The following AGBL4 variants were observed in gnomAD, a reference collection of about 807,000 sequenced individuals.
AGBL4 encodes cytosolic carboxypeptidase 6.
Under a neutral mutation model 66.4 loss-of-function variants are expected in AGBL4, and 58 were observed. That is an observed-to-expected ratio of 0.87 (90% CI 0.71 to 1.09). The LOEUF (loss-of-function observed/expected upper bound fraction) is 1.09, where lower values mean the gene tolerates loss of function less well. Ranked by LOEUF, AGBL4 falls within the 50% of genes least tolerant of loss-of-function variation. The pLI is 0.00. For synonymous variants in AGBL4, 234 were observed against 222.9 expected, an observed-to-expected ratio of 1.05 and a Z score of -0.44; for missense variants, 579 against 631.0, an observed-to-expected ratio of 0.92 and a Z score of 0.88.
intron 1 of AGBL4, among the ~76,000 whole-genome samples, chr1:49,854,686 T>C (rs1274288461): frequency 6.6e-6 from 1 of 152,084 alleles, no homozygotes; most frequent in Non-Finnish European, 1.5e-5. Context: ...GCTGCAGCAT[T>C]ATGATGCCTG....
chr1:48,873,141 A>C (rs1648858444), intron 5 of AGBL4, among the ~76,000 whole-genome samples: 1 of 152,174 alleles, frequency 6.6e-6, no homozygotes, highest in Non-Finnish European at 1.5e-5. Context: ...GATTCCTATA[A>C]GACAAAATCT....
chr1:49,946,650 G>A (rs1321505839), intron 1 of AGBL4, among the ~76,000 whole-genome samples: 1 of 150,742 alleles, frequency 6.6e-6, no homozygotes, highest in Non-Finnish European at 1.5e-5. Context: ...AAGGAACTAG[G>A]GAAACAAGAA....
intron 4 of AGBL4, among the ~76,000 whole-genome samples, chr1:49,068,860 G>A (rs1644543476): frequency 6.6e-6 from 1 of 152,142 alleles, no homozygotes; most frequent in Non-Finnish European, 1.5e-5. Context: ...GTGTAAAAGT[G>A]TTCCTATTTC....
At chr1:48,611,556 C>T (rs1403173705) in intron 9 of AGBL4, among the ~76,000 whole-genome samples, 3 of 152,178 alleles carry the variant, frequency 2.0e-5, no homozygotes, top group African/African-American at 4.8e-5. Flanking sequence ...AAATAGTACC[C>T]GGCTAGCTGT....
intron 7 of AGBL4, among the ~76,000 whole-genome samples, chr1:48,660,067 T>C (rs979202486): frequency 3.9e-5 from 6 of 152,230 alleles, no homozygotes; most frequent in African/African-American, 1.4e-4. Context: ...CGCTCTCACA[T>C]GGCTGGCCAC....
chr1:49,562,876 T>C (rs1481078782), intron 3 of AGBL4, among the ~76,000 whole-genome samples: 1 of 150,802 alleles, frequency 6.6e-6, no homozygotes, highest in Non-Finnish European at 1.5e-5. Context: ...GGGGATGGCA[T>C]TGAATCTATA....
Position 49,864,534 on chromosome 1 carries a change from A to G in AGBL4, c.35-13016T>C, listed in dbSNP as rs547861660. Among the ~76,000 whole-genome samples the G allele has an allele frequency of 2.6e-5, 4 of 152,172 alleles. No homozygotes were observed. The South Asian group carries it at 8.3e-4, about 32-fold the overall frequency. The stretch of plus-strand genomic sequence containing the variant: ...TTGGCGCGAACCATGAAGAGTGAGG[A>G]AAAGCAGAGCAACAGCCCACCCAGC... On this transcript the variant is annotated intron_variant, in intron 1 of 13. Transcript: ENST00000371839.
intron 6 of AGBL4, among the ~76,000 whole-genome samples, chr1:48,802,302 C>T (rs1025938480): frequency 1.3e-5 from 2 of 152,174 alleles, no homozygotes; most frequent in Non-Finnish European, 2.9e-5. Flanking sequence ...TAGCCATTAT[C>T]TCTCCCAGGG....
At chr1:48,862,215 G>C (rs1647539214) in intron 6 of AGBL4, among the ~76,000 whole-genome samples, 1 of 152,134 alleles carries the variant, frequency 6.6e-6, no homozygotes, top group African/African-American at 2.4e-5. Context: ...GGTTGATAAG[G>C]CACCAGAGCT....
At chr1:48,616,436 C>T (rs1449842567) in intron 9 of AGBL4, among the ~76,000 whole-genome samples, 1 of 152,110 alleles carries the variant, frequency 6.6e-6, no homozygotes, top group East Asian at 1.9e-4. Context: ...ATAATTGGTA[C>T]AGAATAGTTC....
chr1:49,589,811 C>T (rs74078149), intron 3 of AGBL4, among the ~76,000 whole-genome samples: 3,336 of 152,082 alleles, frequency 0.022, 112 homozygotes, highest in African/African-American at 0.075. Context: ...CAAGAGAGCC[C>T]TGTGTGGGAA....
intron 6 of AGBL4, among the ~76,000 whole-genome samples, chr1:48,708,860 AG>A (rs757433545): frequency 3.9e-5 from 6 of 152,126 alleles, no homozygotes; most frequent in Non-Finnish European, 8.8e-5. Flanking sequence ...GGACCCAATC[AG>A]GGGATGGCTG....
chr1:48,564,471 C>T (rs906574404), intron 11 of AGBL4, among the ~76,000 whole-genome samples: 1 of 151,518 alleles, frequency 6.6e-6, no homozygotes, highest in Non-Finnish European at 1.5e-5. Context: ...CTGTCTTTAC[C>T]TCTGGGCTCC....
At chr1:49,300,786 C>T (rs1393681055) in intron 3 of AGBL4, among the ~76,000 whole-genome samples, 3 of 152,146 alleles carry the variant, frequency 2.0e-5, no homozygotes, top group Non-Finnish European at 2.9e-5. Flanking sequence ...ATAGCTAGTT[C>T]GTTGTGCTAT....
chr1:49,913,105 T>G (rs1651021584), intron 1 of AGBL4, among the ~76,000 whole-genome samples: 1 of 152,188 alleles, frequency 6.6e-6, no homozygotes, highest in Non-Finnish European at 1.5e-5. Context: ...TCTGTCTCAA[T>G]AGCCCCAAAG....
chr1:49,236,259 C>T (rs952185492), intron 4 of AGBL4, among the ~76,000 whole-genome samples: 8 of 151,954 alleles, frequency 5.3e-5, no homozygotes, highest in Admixed American at 1.3e-4. Flanking sequence ...AACTCCTGAC[C>T]TCAACTGATC....
chr1:48,624,255 G>T (rs964119303), intron 9 of AGBL4, among the ~76,000 whole-genome samples: 2 of 152,166 alleles, frequency 1.3e-5, no homozygotes, highest in Non-Finnish European at 2.9e-5. Context: ...AATACAGTGA[G>T]AGAGAATTAT....
At chr1:49,267,857 A>T (rs2148378908) in intron 3 of AGBL4, among the ~76,000 whole-genome samples, 1 of 152,094 alleles carries the variant, frequency 6.6e-6, no homozygotes, top group South Asian at 2.1e-4. Flanking sequence ...TCTTATAAAA[A>T]CCATCAGATC....
At chr1:49,120,642 C>T (rs1057106848) in intron 4 of AGBL4, among the ~76,000 whole-genome samples, 3 of 151,994 alleles carry the variant, frequency 2.0e-5, no homozygotes, top group Non-Finnish European at 4.4e-5. Flanking sequence ...TTCCTTGGTG[C>T]CTTAACATTT....
Sources: allele counts gnomAD v4.1 joint callset (sites outside exome capture counted in the v4.1 genomes callset), GRCh38; gene constraint gnomAD v4.1.1; transcripts MANE v1.5; gene names NCBI Gene and HGNC (gene_info 2026-07-23, HGNC 2026-07-21).